Variants in GNG7 observed in about 807,000 individuals in gnomAD.
The protein encoded by GNG7 is guanine nucleotide-binding protein G(I)/G(S)/G(O) subunit gamma-7.
Under a neutral mutation model 4.0 loss-of-function variants are expected in GNG7, and 1 was observed. The observed-to-expected ratio is 0.25, with a 90% CI of 0.09 to 1.18. GNG7 has a LOEUF of 1.18. Ranked by LOEUF, GNG7 falls within the 50% of genes most tolerant of loss-of-function variation. The pLI is 0.50. For synonymous variants in GNG7, 34 were observed against 36.9 expected (o/e 0.92, Z 0.29); for missense variants, 86 against 91.9 (o/e 0.94, Z 0.26).
chr19:2,613,949 G>C (rs1289456665), intron 2 of GNG7, among the ~76,000 whole-genome samples: 1 of 152,220 alleles, frequency 6.6e-6, no homozygotes, highest in South Asian at 2.1e-4. Context: ...TCAGACAGAA[G>C]CTCGCAGCCT....
At chr19:2,686,870 G>A (rs1315299335) in intron 1 of GNG7, among the ~76,000 whole-genome samples, 1 of 150,800 alleles carries the variant, frequency 6.6e-6, no homozygotes, top group Non-Finnish European at 1.5e-5. Flanking sequence ...CCCTGCCTCA[G>A]CCTCCTGAGT....
intron 2 of GNG7, among the ~76,000 whole-genome samples, chr19:2,616,179 C>T (rs1981718837): frequency 6.6e-6 from 1 of 152,154 alleles, no homozygotes; most frequent in East Asian, 1.9e-4. Flanking sequence ...GAGGCTGAGG[C>T]GAGAGGATCC....
chr19:2,648,711 T>C (rs1982731417), intron 1 of GNG7, among the ~76,000 whole-genome samples: 1 of 152,050 alleles, frequency 6.6e-6, no homozygotes, highest in Non-Finnish European at 1.5e-5. Context: ...CAGGATCTGC[T>C]ACACCAGGGC....
chr19:2,631,175 T>C (rs906250683), intron 2 of GNG7, among the ~76,000 whole-genome samples: 9 of 152,188 alleles, frequency 5.9e-5, no homozygotes, highest in Non-Finnish European at 2.9e-5. Flanking sequence ...AGGCAGGCAC[T>C]GCCTATTCTC....
Position 2,692,452 on chromosome 19 carries a change from G to A in GNG7, c.-135+10194C>T, listed in dbSNP as rs368155652. ...AGATCGAGACCATCCTGGCTAACAC[G>A]GTGAAACCCCATCTCTACTAAAAAT... On this transcript the variant is annotated intron_variant, in intron 1 of 4. Coordinates refer to ENST00000382159, the MANE Select transcript of GNG7 (RefSeq NM_052847.3). 5.9e-5 allele frequency among the ~76,000 whole-genome samples: 9 copies of A among 152,014 alleles called. No individual in the cohort carries two copies. In the South Asian group the frequency reaches 1.2e-3, roughly 21 times the overall value.
chr19:2,636,940 G>C (rs957584452), intron 2 of GNG7, among the ~76,000 whole-genome samples: 1 of 150,656 alleles, frequency 6.6e-6, no homozygotes, highest in African/African-American at 2.4e-5. Context: ...CTGCACCTCC[G>C]TCCCCACTTG....
intron 1 of GNG7, among the ~76,000 whole-genome samples, chr19:2,670,892 T>C (rs11878785): frequency 0.021 from 3,134 of 152,194 alleles, 115 homozygotes; most frequent in African/African-American, 0.072. Context: ...CGGCGTCCCA[T>C]GATCCTCTGC....
At chr19:2,644,106 C>T (rs1423187249) in intron 2 of GNG7, among the ~76,000 whole-genome samples, 1 of 151,766 alleles carries the variant, frequency 6.6e-6, no homozygotes, top group Non-Finnish European at 1.5e-5. Flanking sequence ...CTGCAACCTC[C>T]GTCTCCCGCG....
At chr19:2,517,803 C>T (rs1213949862) in intron 4 of GNG7, among the ~76,000 whole-genome samples, 2 of 152,226 alleles carry the variant, frequency 1.3e-5, no homozygotes, top group Non-Finnish European at 2.9e-5. Flanking sequence ...TGAGCCGCCT[C>T]GCCTGGCCAG....
chr19:2,598,137 C>G (rs1242546101), intron 2 of GNG7, among the ~76,000 whole-genome samples: 1 of 152,122 alleles, frequency 6.6e-6, no homozygotes, highest in African/African-American at 2.4e-5. Flanking sequence ...GAATCCAGCT[C>G]TCACGGCGAC....
intron 1 of GNG7, among the ~76,000 whole-genome samples, chr19:2,660,417 A>G (rs1044581605): frequency 6.6e-6 from 1 of 152,124 alleles, no homozygotes; most frequent in African/African-American, 2.4e-5. Context: ...GAGAAACTGG[A>G]CGTATATTTT....
chr19:2,680,898 G>A (rs193167519), intron 1 of GNG7, among the ~76,000 whole-genome samples: 10 of 151,584 alleles, frequency 6.6e-5, no homozygotes, highest in East Asian at 3.9e-4. Context: ...TTCGTCTCCC[G>A]AGCTCGCATG....
chr19:2,543,228 T>G (rs1277535986), intron 3 of GNG7, among the ~76,000 whole-genome samples: 1 of 141,080 alleles, frequency 7.1e-6, no homozygotes, highest in Non-Finnish European at 1.6e-5. Flanking sequence ...CTCCTTTTTT[T>G]TTTTTTTTTT....
intron 3 of GNG7, among the ~76,000 whole-genome samples, chr19:2,528,491 G>A (rs1165300776): frequency 1.4e-5 from 2 of 141,116 alleles, no homozygotes; most frequent in African/African-American, 5.3e-5. Context: ...GCTGAGGCAG[G>A]AGAATGGTCT....
At chr19:2,597,948 G>A (rs1454312873) in intron 2 of GNG7, among the ~76,000 whole-genome samples, 4 of 151,844 alleles carry the variant, frequency 2.6e-5, no homozygotes, top group Admixed American at 2.6e-4. Context: ...AGCAGCTCAG[G>A]ACTGCCAATG....
At chr19:2,537,240 C>T (rs941011878) in intron 3 of GNG7, among the ~76,000 whole-genome samples, 17 of 151,882 alleles carry the variant, frequency 1.1e-4, no homozygotes, top group Non-Finnish European at 1.6e-4. Flanking sequence ...TGAGCCACCG[C>T]GCCCGGCCAC....
intron 3 of GNG7, among the ~76,000 whole-genome samples, chr19:2,552,376 C>G (rs1293075309): frequency 6.6e-6 from 1 of 151,692 alleles, no homozygotes; most frequent in Non-Finnish European, 1.5e-5. Context: ...ATGGGACCAT[C>G]TAGTTTTTAT....
chr19:2,539,449 T>C (rs577260432), intron 3 of GNG7, among the ~76,000 whole-genome samples: 4 of 151,496 alleles, frequency 2.6e-5, no homozygotes, highest in East Asian at 3.9e-4. Flanking sequence ...GGATTACAGG[T>C]GTCCGCCACC....
intron 2 of GNG7, among the ~76,000 whole-genome samples, chr19:2,639,475 C>T (rs1293046939): frequency 1.0e-4 from 3 of 28,664 alleles, no homozygotes; most frequent in Non-Finnish European, 6.9e-5. Flanking sequence ...GATGAGCGCC[C>T]CTACTTGCCA....
Sources: gnomAD v4.1 joint callset for allele counts (sites outside exome capture counted in the v4.1 genomes callset) on GRCh38, gnomAD v4.1.1 for gene constraint, MANE v1.5 for transcripts, NCBI Gene and HGNC (gene_info 2026-07-23, HGNC 2026-07-21) for gene names.